The following BLOC1S3 variants were observed in gnomAD, a reference collection of about 807,000 sequenced individuals.
The protein encoded by BLOC1S3 is biogenesis of lysosomal organelles complex 1 subunit 3.
In BLOC1S3, 7 loss-of-function variants were observed where a neutral mutation model predicts 9.1. The ratio of observed to expected loss-of-function variants is 0.77; its 90% CI spans 0.44 to 1.45. BLOC1S3 has a LOEUF of 1.45. BLOC1S3 is among the 40% of genes most tolerant of loss of function. BLOC1S3 has a pLI of 0.01. For synonymous variants in BLOC1S3, 145 were observed against 158.4 expected (o/e 0.92, Z 0.64); for missense variants, 307 against 315.2 (o/e 0.97, Z 0.20).
chr19:45,180,235 A>ATTTTTTTTTTTTTTTTTTTTTTTTT lies in BLOC1S3; in HGVS notation c.*354_*355insTTTTTTTTTTTTTTTTTTTTTTTTT, dbSNP rs34965337. 1.1e-5 allele frequency: 1 copy of ATTTTTTTTTTTTTTTTTTTTTTTTT among 90,224 alleles called. No homozygotes were observed. The highest frequency in any genetic ancestry group is 5.6e-5 in the African/African-American group (1 of 17,848). The allele number at this position is 90,224 out of a possible 1,614,324, so 5.6% of individuals were successfully genotyped here. On this transcript the variant is annotated 3_prime_UTR_variant, in exon 2 of 2. Transcript: ENST00000433642. ...CTGTTTCCACCCTGGGGGCTCACCA[A>ATTTTTTTTTTTTTTTTTTTTTTTTT]TTTTTTTTTTTTTTTTTTTTTTTTG...
downstream of BLOC1S3, among the ~76,000 whole-genome samples, chr19:45,183,027 C>T (rs1318308555): frequency 6.6e-5 from 10 of 151,844 alleles, no homozygotes; most frequent in Admixed American, 2.6e-4. Context: ...ACAGCATATG[C>T]GAGGGCCCTG....
In BLOC1S3 at chr19:45,213,460, T is replaced by TA. The variant is rs1301904835; in HGVS notation, n.283-3216_283-3215insA. ...TGACCCCCTCACCTATCCCAGAAAT[T>TA]GCCTGAGTTCTGGGGCCTCTGTGTC... On this transcript the variant is annotated intron_variant and non_coding_transcript_variant, in intron 3 of 3. Coordinates refer to the BLOC1S3 transcript ENST00000591569. 3 of 1,447,020 alleles carry TA rather than the reference T, an allele frequency of 2.1e-6. No individual in the cohort carries two copies. In the African/African-American group the frequency reaches 4.3e-5, roughly 21 times the overall value. The allele number at this position is 1,447,020 out of a possible 1,614,324, so 89.6% of individuals were successfully genotyped here. A position where few individuals can be genotyped will look rare whatever the true frequency, so the allele number is the denominator to read the frequency against.
At chr19:45,181,940 T>C (rs761319040), downstream of BLOC1S3, 2 of 157,174 alleles carry the variant, frequency 1.3e-5, no homozygotes, top group African/African-American at 2.4e-5. Flanking sequence ...GGCCCTAGAT[T>C]TTTGCCCTGG....
intron 3 of BLOC1S3, among the ~76,000 whole-genome samples, chr19:45,211,686 T>G (rs916751433): frequency 6.6e-6 from 1 of 151,682 alleles, no homozygotes; most frequent in Admixed American, 6.6e-5. Context: ...AGCACAGCCT[T>G]GGGCTCCGAG....
intron 2 of BLOC1S3, chr19:45,202,385 C>G (rs1969698177): frequency 6.5e-6 from 1 of 154,516 alleles, no homozygotes; most frequent in South Asian, 1.9e-4. Context: ...CACCACTCTT[C>G]CCTCACTTTT....
chr19:45,195,143 G>A (rs11667197), intron 2 of BLOC1S3, among the ~76,000 whole-genome samples: 57,986 of 151,270 alleles, frequency 0.38, 11,810 homozygotes, highest in Non-Finnish European at 0.44. Flanking sequence ...TCCTGACCTC[G>A]TGTGATCCAC....
At chr19:45,216,955 A>G (rs1346587572), downstream of BLOC1S3, 1 of 149,652 alleles carries the variant, frequency 6.7e-6, no homozygotes, top group African/African-American at 2.4e-5. Context: ...TTTTAATTCC[A>G]GGGTTTAGAA....
In BLOC1S3 at chr19:45,179,710, C is replaced by T; in HGVS notation, c.414C>T (p.Asp138=). The T allele has an allele frequency of 6.9e-7, 1 of 1,458,164 alleles. No homozygotes were observed. Among genetic ancestry groups the T allele is most frequent in the Non-Finnish European group, 9.0e-7 (1 of 1,111,890 alleles). 90.3% of individuals were successfully genotyped at this position (1,458,164 alleles called of 1,614,324 possible). A position where few individuals can be genotyped will look rare whatever the true frequency, so the allele number is the denominator to read the frequency against. The change falls in exon 2 of 2, where the codon GAC becomes GAT. Residue 138 remains aspartate, a synonymous_variant. Coordinates refer to ENST00000433642, the MANE Select transcript of BLOC1S3 (RefSeq NM_212550.5). This position sits in a 1 kb window ranked among gnomAD's most constrained non-coding sequence, Gnocchi z 4.6. The part of the protein sequence containing the change: ...VSGVYRRAGR[D]VAALASRLAA... Reference sequence around the variant, plus strand: ...GTGTCTACCGCCGTGCAGGCCGCGACGTGGCCGCCCTGGCTAGTAGGCTGG... The same window carrying T: ...GTGTCTACCGCCGTGCAGGCCGCGATGTGGCCGCCCTGGCTAGTAGGCTGG...
chr19:45,184,668 A>G (rs1324600220), downstream of BLOC1S3, among the ~76,000 whole-genome samples: 1 of 152,068 alleles, frequency 6.6e-6, no homozygotes, highest in Non-Finnish European at 1.5e-5. Flanking sequence ...TGGGAGGCCG[A>G]GGTTGGTGGA....
At chr19:45,197,464 G>A (rs1249327435) in intron 2 of BLOC1S3, among the ~76,000 whole-genome samples, 2 of 151,424 alleles carry the variant, frequency 1.3e-5, no homozygotes, top group Non-Finnish European at 2.9e-5. Flanking sequence ...TCCAGCCTGG[G>A]CAATGGAGTG....
At chr19:45,187,737 A>G (rs1969575859) in exon 2 of BLOC1S3, 1 of 152,142 alleles carries the variant, frequency 6.6e-6, no homozygotes. Flanking sequence ...CGTAATATAC[A>G]AAGGTAAAGT....
chr19:45,181,657 C>A lies in BLOC1S3; in HGVS notation c.*1752C>A, dbSNP rs537363052. On this transcript the variant is annotated 3_prime_UTR_variant, in exon 2 of 2. Transcript: ENST00000433642. ...TTTTCTTCCGATCCCAGCTCTGGTC[C>A]CTCAGCCGCATTCATATTTACTCTC... 6.0e-6 allele frequency: 1 copy of A among 167,080 alleles called. No individual in the cohort carries two copies. The highest frequency in any genetic ancestry group is 2.4e-5 in the African/African-American group (1 of 41,424). The allele number at this position is 167,080 out of a possible 1,614,324, so 10.3% of individuals were successfully genotyped here. A position where few individuals can be genotyped will look rare whatever the true frequency, so the allele number is the denominator to read the frequency against.
At chr19:45,199,516 A>G (rs555654090) in intron 2 of BLOC1S3, among the ~76,000 whole-genome samples, 1 of 151,580 alleles carries the variant, frequency 6.6e-6, no homozygotes, top group South Asian at 2.1e-4. Context: ...GGGTTTCACC[A>G]TGTTGGCCAG....
rs370326702 is a variant in BLOC1S3, at chr19:45,213,075, C to G, written n.283-3601C>G. The stretch of plus-strand genomic sequence containing the variant: ...GCCGGCGGTTGGGTGACCCTCAGCG[C>G]TGGGCCCGAGGTCGCGCTAGAGACG... On this transcript the variant is annotated intron_variant and non_coding_transcript_variant, in intron 3 of 3. Coordinates refer to the BLOC1S3 transcript ENST00000591569. The G allele has an allele frequency of 2.5e-5, 37 of 1,494,894 alleles. No homozygotes were observed. The East Asian group carries it at 2.8e-4, about 11-fold the overall frequency. The allele number at this position is 1,494,894 out of a possible 1,614,324, so 92.6% of individuals were successfully genotyped here. A position where few individuals can be genotyped will look rare whatever the true frequency, so the allele number is the denominator to read the frequency against.
At chr19:45,194,750 G>C (rs999317316) in intron 2 of BLOC1S3, among the ~76,000 whole-genome samples, 11 of 152,206 alleles carry the variant, frequency 7.2e-5, no homozygotes, top group African/African-American at 2.6e-4. Flanking sequence ...GTCAGAACCA[G>C]GCAAAACCAT....
At chr19:45,182,014 G>A (rs192555172), downstream of BLOC1S3, among the ~76,000 whole-genome samples, 99 of 152,242 alleles carry the variant, frequency 6.5e-4, 1 homozygote, top group African/African-American at 2.1e-3. Context: ...CCTGTGCTGC[G>A]GCTAGGGGTA....
chr19:45,182,161 G>T (rs1293985726), downstream of BLOC1S3, among the ~76,000 whole-genome samples: 2 of 152,134 alleles, frequency 1.3e-5, no homozygotes, highest in East Asian at 3.8e-4. Flanking sequence ...GGCCAACATG[G>T]TGAAACCCTG....
chr19:45,212,928 G>T (rs1351807607), intron 3 of BLOC1S3: 8 of 958,024 alleles, frequency 8.4e-6, no homozygotes, highest in Non-Finnish European at 1.2e-5. Context: ...AGGGAGTTTG[G>T]GGTTGGGTGA....
intron 3 of BLOC1S3, among the ~76,000 whole-genome samples, chr19:45,204,832 A>G (rs1042242180): frequency 6.6e-6 from 1 of 150,882 alleles, no homozygotes; most frequent in Non-Finnish European, 1.5e-5. Flanking sequence ...CCAGGGTTCA[A>G]GTGATTCTCG....
Sources: allele counts gnomAD v4.1 joint callset (sites outside exome capture counted in the v4.1 genomes callset), GRCh38; gene constraint gnomAD v4.1.1; non-coding constraint Gnocchi (gnomAD v3.1); transcripts MANE v1.5; gene names NCBI Gene and HGNC (gene_info 2026-07-23, HGNC 2026-07-21).